TMPRSS13: variants seen among roughly 807,000 people sequenced by gnomAD.
TMPRSS13 encodes the protein transmembrane protease serine 13.
TMPRSS13 carries 50 observed loss-of-function variants against 68.4 expected under a neutral mutation model. That is an observed-to-expected ratio of 0.73 (90% CI 0.58 to 0.93). The LOEUF (loss-of-function observed/expected upper bound fraction) is 0.93, where lower values mean the gene tolerates loss of function less well. Among genes scored for constraint, TMPRSS13 ranks in the 40% least tolerant of loss-of-function variants. The probability of loss-of-function intolerance (pLI) is 0.00; values close to 1 mark genes in which losing one functional copy is unlikely to be tolerated. For missense variants in TMPRSS13, 615 were observed against 729.2 expected (o/e 0.84, Z 1.80); for synonymous variants, 267 against 285.8 (o/e 0.93, Z 0.66).
chr11:117,903,369 A>G, intron 12 of TMPRSS13: 3 of 1,527,590 alleles, frequency 2.0e-6, no homozygotes, highest in Non-Finnish European at 2.6e-6. Context: ...GCAACCTTAC[A>G]CAAAAAAATA....
intron 12 of TMPRSS13, 38 bp from the exon 13 acceptor site, chr11:117,902,303 C>G: frequency 1.2e-6 from 2 of 1,613,192 alleles, no homozygotes; most frequent in Non-Finnish European, 1.7e-6. Context: ...GAGGGTGGGC[C>G]AGGTGGGCGA....
intron 12 of TMPRSS13, chr11:117,903,372 A>C: frequency 6.5e-7 from 1 of 1,530,716 alleles, no homozygotes; most frequent in South Asian, 1.2e-5. Flanking sequence ...ACCTTACACA[A>C]AAAAATACTT....
intron 10 of TMPRSS13, among the ~76,000 whole-genome samples, chr11:117,904,367 A>G (rs559173612): frequency 3.9e-5 from 6 of 152,340 alleles, no homozygotes; most frequent in African/African-American, 1.2e-4. Context: ...TCACAAGCCT[A>G]TCAGGCTACC....
At chr11:117,904,255 G>A (rs1303533934) in intron 10 of TMPRSS13, among the ~76,000 whole-genome samples, 154 bp from the exon 11 acceptor site, 1 of 152,122 alleles carries the variant, frequency 6.6e-6, no homozygotes, top group East Asian at 1.9e-4. Flanking sequence ...CCCAAGGGAG[G>A]CCCTCTGTGG....
rs1173504485 is a variant in TMPRSS13 at position 117,904,044 on chromosome 11, C to A, written c.1439G>T (p.Cys480Phe). 3 of 1,614,050 alleles carry A rather than the reference C, an allele frequency of 1.9e-6. No homozygotes were observed. Among genetic ancestry groups the A allele is most frequent in the Non-Finnish European group, 2.5e-6 (3 of 1,179,978 alleles). The change falls in exon 11 of 13, where the codon TGC (cysteine) becomes TTC (phenylalanine). Residue 480 changes from cysteine (C) to phenylalanine (F), a missense_variant. Physicochemically the swap from Cys to Phe is radical, Grantham distance 205. Coordinates refer to ENST00000524993, the MANE Select transcript of TMPRSS13 (RefSeq NM_001077263.3). ...ACTGTCATAGACCAAGTAGTCATTGCATTTCTTGAAGTCGATGAGATTGAC... is the reference window on the plus strand; with the variant it reads ...ACTGTCATAGACCAAGTAGTCATTGAATTTCTTGAAGTCGATGAGATTGAC... ...VQVNLIDFKKCNDYLVYDSYL... is the reference protein window; with the variant it reads ...VQVNLIDFKKFNDYLVYDSYL...
chr11:117,928,672 C>A (rs575065909), intron 1 of TMPRSS13, among the ~76,000 whole-genome samples: 1 of 152,170 alleles, frequency 6.6e-6, no homozygotes, highest in Non-Finnish European at 1.5e-5. Flanking sequence ...TTCTCCTACC[C>A]CAAGAGCAGC....
Position 117,918,462 on chromosome 11 carries a change from C to G in TMPRSS13, c.398G>C (p.Arg133Pro), listed in dbSNP as rs751395333. ...RATPVGAVPI[R>P]SSPARSAPAT... ...TGGTGCTGACCTGGCAGGAGATGAT[C>G]GGATGGGTACAGCCCCCACTGGTGT... Residue 133 changes from arginine (R) to proline (P), a missense_variant, in exon 2 of 13, where the codon CGA becomes CCA. Coordinates refer to ENST00000524993, the MANE Select transcript of TMPRSS13 (RefSeq NM_001077263.3). The G allele has an allele frequency of 2.5e-6, 4 of 1,614,078 alleles. No homozygotes were observed. Among genetic ancestry groups the G allele is most frequent in the African/African-American group, 2.7e-5 (2 of 74,926 alleles).
chr11:117,905,886 A>G (rs2057460332), intron 9 of TMPRSS13, 150 bp from the exon 10 acceptor site: 1 of 553,204 alleles, frequency 1.8e-6, no homozygotes, highest in Non-Finnish European at 3.2e-6. Flanking sequence ...AATCCTCCAG[A>G]GCCTTGGACT....
rs2057563830 is a variant in TMPRSS13, at chr11:117,915,133, G to A, written c.557-619C>T. Among the ~76,000 whole-genome samples, 1 of 152,172 alleles carries A rather than the reference G, an allele frequency of 6.6e-6. No homozygotes were observed. Among genetic ancestry groups the A allele is most frequent in the African/African-American group, 2.4e-5 (1 of 41,422 alleles). On this transcript the variant is annotated intron_variant, in intron 3 of 12. Coordinates refer to ENST00000524993, the MANE Select transcript of TMPRSS13 (RefSeq NM_001077263.3). This position sits in a 1 kb window ranked among gnomAD's most constrained non-coding sequence, Gnocchi z 4.9. Reference sequence around the variant, plus strand: ...TTTCAATCAACCAGCAATTCTAGGTGGCTGATTCCCACATATACAAGTTGG... The same window carrying A: ...TTTCAATCAACCAGCAATTCTAGGTAGCTGATTCCCACATATACAAGTTGG...
At position 117,917,293 on chromosome 11, in the gene TMPRSS13, C is replaced by T; in HGVS notation, c.452-19G>A. The T allele has an allele frequency of 2.5e-6, 4 of 1,599,192 alleles. No individual in the cohort carries two copies. The highest frequency in any genetic ancestry group is 3.4e-6 in the Non-Finnish European group (4 of 1,171,324). On this transcript the variant is annotated intron_variant, in intron 2 of 12. Coordinates refer to ENST00000524993, the MANE Select transcript of TMPRSS13 (RefSeq NM_001077263.3). Reference sequence around the variant, plus strand: ...CTCGTACCTAGGAGCAGGGCGGCAGCAGGGGAATATGAGGCTGGAGAGGAG... The same window carrying T: ...CTCGTACCTAGGAGCAGGGCGGCAGTAGGGGAATATGAGGCTGGAGAGGAG...
intron 3 of TMPRSS13, 75 bp downstream of exon 3, chr11:117,917,095 G>A: frequency 5.7e-6 from 7 of 1,237,278 alleles, no homozygotes; most frequent in Non-Finnish European, 8.1e-6. Flanking sequence ...TGTCTCCCCT[G>A]CCTGCCCCCA....
At chr11:117,924,156 CAACATA>C (rs2057675008) in intron 1 of TMPRSS13, among the ~76,000 whole-genome samples, 1 of 19,410 alleles carries the variant, frequency 5.2e-5, no homozygotes, top group Admixed American at 9.6e-4. Context: ...CCAACCTAGG[CAACATA>C]GCAAGACCCC....
In TMPRSS13 at chr11:117,914,443, G is replaced by A. The variant is rs368268142; in HGVS notation, c.628C>T (p.Arg210Cys). Reference sequence around the variant, plus strand: ...TTGCAGTCCACCACCCCGTCACAGCGAACAGCGTGCTTGGGACAGCTCTCC... The same window carrying A: ...TTGCAGTCCACCACCCCGTCACAGCAAACAGCGTGCTTGGGACAGCTCTCC... Reference protein sequence around the residue: ...QRESCPKHAVRCDGVVDCKLK... With the variant: ...QRESCPKHAVCCDGVVDCKLK... The change falls in exon 4 of 13, where the codon CGC becomes TGC. Residue 210 changes from arginine to cysteine, a missense_variant. By Grantham distance (180) the Arg-to-Cys change is radical. Transcript: ENST00000524993. This position sits in a 1 kb window ranked among gnomAD's most constrained non-coding sequence, Gnocchi z 4.2. The A allele has an allele frequency of 3.7e-6, 6 of 1,614,038 alleles. No individual in the cohort carries two copies. Among genetic ancestry groups the A allele is most frequent in the East Asian group, 2.2e-5 (1 of 44,858 alleles).
rs575266148 is a variant in TMPRSS13, at chr11:117,918,148, A to G, written c.451+261T>C. Among the ~76,000 whole-genome samples, 9 of 152,254 alleles carry G rather than the reference A, an allele frequency of 5.9e-5. No homozygotes were observed. In the South Asian group the frequency reaches 1.9e-3, roughly 32 times the overall value. ...ACCGGTGCTCTGACCTGGGTTGTGCAGACTCCAGGGTGACAAGCTGCTTTG... is the reference window on the plus strand; with the variant it reads ...ACCGGTGCTCTGACCTGGGTTGTGCGGACTCCAGGGTGACAAGCTGCTTTG... On this transcript the variant is annotated intron_variant, in intron 2 of 12. Transcript: ENST00000524993.
chr11:117,928,007 C>T (rs2057723249), intron 1 of TMPRSS13, among the ~76,000 whole-genome samples: 1 of 152,198 alleles, frequency 6.6e-6, no homozygotes, highest in African/African-American at 2.4e-5. Context: ...AGATATCGCC[C>T]CATCACCCTG....
chr11:117,909,962 C>G lies in TMPRSS13; in HGVS notation c.953G>C (p.Gly318Ala). 1 of 1,613,932 alleles carries G rather than the reference C, an allele frequency of 6.2e-7. No individual in the cohort carries two copies. The highest frequency in any genetic ancestry group is 8.5e-7 in the Non-Finnish European group (1 of 1,179,812). Residue 318 changes from glycine to alanine, a missense_variant, in exon 8 of 13, where the codon GGA (glycine) becomes GCA (alanine). Coordinates refer to ENST00000524993, the MANE Select transcript of TMPRSS13 (RefSeq NM_001077263.3). ...GATCCGCCCGGTCATGGCCCTCAGT[C>G]CGCAGTCTGGAGGGAAGGAGTAGAC... ...RYISLQCSHCGLRAMTGRIVG... is the reference protein window; with the variant it reads ...RYISLQCSHCALRAMTGRIVG...
At chr11:117,912,200 C>T (rs890593076) in intron 5 of TMPRSS13, among the ~76,000 whole-genome samples, 9 of 152,116 alleles carry the variant, frequency 5.9e-5, no homozygotes, top group African/African-American at 1.4e-4. Context: ...GTGGGCCCAG[C>T]GATCACCATT....
intron 12 of TMPRSS13, chr11:117,903,408 G>C (rs1174832638): frequency 3.9e-6 from 6 of 1,535,652 alleles, no homozygotes; most frequent in African/African-American, 2.7e-5. Context: ...CCCAGCAACT[G>C]CCTGCCTGGC....
At chr11:117,908,384 G>A (rs1473241011) in intron 9 of TMPRSS13, 1 of 614,686 alleles carries the variant, frequency 1.6e-6, no homozygotes, top group South Asian at 2.0e-5. Context: ...TCATCAATTT[G>A]TAATGTGAGA....
Sources: allele counts gnomAD v4.1 joint callset (sites outside exome capture counted in the v4.1 genomes callset), GRCh38; gene constraint gnomAD v4.1.1; non-coding constraint Gnocchi (gnomAD v3.1); transcripts MANE v1.5; gene names NCBI Gene and HGNC (gene_info 2026-07-23, HGNC 2026-07-21).